The following TENM3 variants were observed in gnomAD, a reference collection of about 807,000 sequenced individuals.
TENM3 encodes teneurin-3.
A neutral mutation model predicts 255.1 loss-of-function variants in TENM3; 63 were observed. The observed-to-expected ratio is 0.25, with a 90% CI of 0.20 to 0.30. The LOEUF is 0.30. Ranked by LOEUF, TENM3 falls within the 10% of genes least tolerant of loss-of-function variation. TENM3 has a pLI of 1.00. For missense variants in TENM3, 2,929 were observed against 3,461.1 expected (o/e 0.85, Z 3.86); for synonymous variants, 1,306 against 1,322.3 (o/e 0.99, Z 0.27).
At chr4:181,524,176 G>C in the TENM3 span, among the ~76,000 whole-genome samples, 1 of 152,120 alleles carries the variant, frequency 6.6e-6, no homozygotes, top group African/African-American at 2.4e-5. Context: ...CGTGGTTTTG[G>C]GGGTGGTGTA....
chr4:181,583,917 T>C, the TENM3 span, among the ~76,000 whole-genome samples: 3 of 152,356 alleles, frequency 2.0e-5, no homozygotes, highest in South Asian at 2.1e-4. Flanking sequence ...CTTGTCTTCT[T>C]AGCTAGATCA....
chr4:181,719,942 G>A, the TENM3 span, among the ~76,000 whole-genome samples: 1 of 152,100 alleles, frequency 6.6e-6, no homozygotes, highest in Non-Finnish European at 1.5e-5. Context: ...TGTATTATGT[G>A]CCTACTGCAT....
the TENM3 span, among the ~76,000 whole-genome samples, chr4:182,009,880 G>A: frequency 6.6e-5 from 10 of 152,312 alleles, no homozygotes; most frequent in East Asian, 9.7e-4. Context: ...ACACAGTTCC[G>A]TGGAAAAAGC....
the TENM3 span, among the ~76,000 whole-genome samples, chr4:181,966,745 A>C: frequency 6.7e-4 from 102 of 152,336 alleles, no homozygotes; most frequent in Admixed American, 1.3e-3. Flanking sequence ...TCTGTCTTTT[A>C]AATGGGCAAG....
At chr4:181,843,461 C>A in the TENM3 span, among the ~76,000 whole-genome samples, 3 of 152,212 alleles carry the variant, frequency 2.0e-5, no homozygotes, top group South Asian at 2.1e-4. Flanking sequence ...TTGTGAGGCG[C>A]CAGTATACTA....
chr4:182,119,653 G>A, the TENM3 span, among the ~76,000 whole-genome samples: 8 of 152,090 alleles, frequency 5.3e-5, no homozygotes, highest in Non-Finnish European at 8.8e-5. Flanking sequence ...TCTTAGGACA[G>A]AGTGGAGACT....
intron 3 of TENM3, among the ~76,000 whole-genome samples, chr4:182,576,830 T>C (rs1744972887): frequency 6.6e-6 from 1 of 152,198 alleles, no homozygotes. Flanking sequence ...ATAAAATGTG[T>C]CTCTGACCTT....
chr4:182,062,351 G>A, the TENM3 span, among the ~76,000 whole-genome samples: 17 of 152,252 alleles, frequency 1.1e-4, no homozygotes, highest in African/African-American at 3.6e-4. Context: ...AGTAGCATCC[G>A]TGTCAAAATA....
At chr4:181,938,006 G>T in the TENM3 span, among the ~76,000 whole-genome samples, 3 of 152,148 alleles carry the variant, frequency 2.0e-5, no homozygotes, top group Non-Finnish European at 2.9e-5. Flanking sequence ...GAGGATAGCA[G>T]CTGGGCCACA....
the TENM3 span, among the ~76,000 whole-genome samples, chr4:181,842,102 CATTT>C: frequency 1.3e-5 from 2 of 152,154 alleles, no homozygotes; most frequent in African/African-American, 2.4e-5. Context: ...CTTCTGATAA[CATTT>C]ATAAGCATTG....
At chr4:181,680,950 G>A in the TENM3 span, among the ~76,000 whole-genome samples, 1 of 152,026 alleles carries the variant, frequency 6.6e-6, no homozygotes, top group Non-Finnish European at 1.5e-5. Context: ...CATCTTAACA[G>A]CTAAAATGTG....
At chr4:181,590,742 T>C in the TENM3 span, among the ~76,000 whole-genome samples, 4 of 152,218 alleles carry the variant, frequency 2.6e-5, no homozygotes, top group Non-Finnish European at 5.9e-5. Context: ...ATTTCAGATA[T>C]TTGAACTGGA....
At chr4:182,730,135 T>G (rs757022149) in intron 14 of TENM3, 65 bp from the exon 15 acceptor site, 28 of 1,590,366 alleles carry the variant, frequency 1.8e-5, no homozygotes, top group Non-Finnish European at 2.3e-5. Context: ...GAATTATCTA[T>G]AAATCATGAT....
intron 1 of TENM3, among the ~76,000 whole-genome samples, chr4:182,178,917 C>T (rs557444108): frequency 6.6e-6 from 1 of 152,182 alleles, no homozygotes; most frequent in South Asian, 2.1e-4. Flanking sequence ...AAGCAGAAGT[C>T]AATATTGGAA....
intron 1 of TENM3, among the ~76,000 whole-genome samples, chr4:182,155,285 A>T (rs1435262033): frequency 6.6e-6 from 1 of 152,158 alleles, no homozygotes; most frequent in Non-Finnish European, 1.5e-5. Context: ...CACTATAAAA[A>T]TTGCAAAGTG....
the TENM3 span, among the ~76,000 whole-genome samples, chr4:181,447,815 T>C: frequency 6.6e-6 from 1 of 152,204 alleles, no homozygotes; most frequent in African/African-American, 2.4e-5. Flanking sequence ...AGCTCTGTCT[T>C]CTGGAAGAGC....
the TENM3 span, among the ~76,000 whole-genome samples, chr4:181,453,043 G>A: frequency 6.6e-6 from 1 of 152,204 alleles, no homozygotes; most frequent in African/African-American, 2.4e-5. Context: ...ATGACTATAA[G>A]TATTTAGAGT....
At chr4:182,753,914 CT>C (rs1762542415) in intron 21 of TENM3, among the ~76,000 whole-genome samples, 1 of 152,160 alleles carries the variant, frequency 6.6e-6, no homozygotes, top group South Asian at 2.1e-4. Flanking sequence ...AATCTCTAAT[CT>C]TTTGATTGCA....
chr4:181,974,160 A>T, the TENM3 span, among the ~76,000 whole-genome samples: 1 of 152,182 alleles, frequency 6.6e-6, no homozygotes, highest in Non-Finnish European at 1.5e-5. Flanking sequence ...TGTCTCAGTC[A>T]TTGGCTGGGT....
Sources: gnomAD v4.1 joint callset for allele counts (sites outside exome capture counted in the v4.1 genomes callset) on GRCh38, gnomAD v4.1.1 for gene constraint, MANE v1.5 for transcripts, NCBI Gene and HGNC (gene_info 2026-07-23, HGNC 2026-07-21) for gene names.